The following CACNA2D3 variants were observed in gnomAD, a reference collection of about 807,000 sequenced individuals.
The protein encoded by CACNA2D3 is calcium voltage-gated channel auxiliary subunit alpha2delta 3.
A neutral mutation model predicts 160.6 loss-of-function variants in CACNA2D3; 60 were observed. That is an observed-to-expected ratio of 0.37 (90% CI 0.30 to 0.46). The LOEUF (loss-of-function observed/expected upper bound fraction) is 0.46. CACNA2D3 is among the 20% of genes least tolerant of loss of function. The pLI, the probability that CACNA2D3 is intolerant of heterozygous loss-of-function variation, is 1.00. For missense variants in CACNA2D3, 1,205 were observed against 1,365.0 expected (o/e 0.88, Z 1.85); for synonymous variants, 558 against 492.9 (o/e 1.13, Z -1.75).
At chr3:54,287,195 GA>G (rs1463047102) in intron 2 of CACNA2D3, among the ~76,000 whole-genome samples, 1 of 151,974 alleles carries the variant, frequency 6.6e-6, no homozygotes, top group Admixed American at 6.6e-5. Flanking sequence ...CTCACGTGCA[GA>G]GACACACATA....
intron 11 of CACNA2D3, among the ~76,000 whole-genome samples, chr3:54,733,952 A>T (rs1701444497): frequency 6.6e-6 from 1 of 152,086 alleles, no homozygotes; most frequent in Non-Finnish European, 1.5e-5. Context: ...TTATTGTAGC[A>T]GTGAGATTGA....
chr3:54,975,521 CAAAAAAAAAAAA>C (rs55819960), intron 29 of CACNA2D3, among the ~76,000 whole-genome samples: 2,922 of 77,772 alleles, frequency 0.038, 49 homozygotes, highest in Non-Finnish European at 0.057. Flanking sequence ...ACTTGGTCTC[CAAAAAAAAAAAA>C]AAAAAAAAAA....
At chr3:55,049,641 C>T (rs1448731783) in intron 35 of CACNA2D3, among the ~76,000 whole-genome samples, 1 of 148,030 alleles carries the variant, frequency 6.8e-6, no homozygotes, top group African/African-American at 2.6e-5. Context: ...GAGCTGAGTT[C>T]AATTCCTGGG....
In CACNA2D3 at chr3:54,918,872, T is replaced by C. The variant is rs1327858426; in HGVS notation, c.2449+19004T>C. On this transcript the variant is annotated intron_variant, in intron 27 of 37. Coordinates refer to ENST00000474759, the MANE Select transcript of CACNA2D3 (RefSeq NM_018398.3). Reference sequence around the variant, plus strand: ...TTCCAGGTGTCTGGTGATTCACAGATGATGCCGTCTGTTAGTCCCCCTTTA... The same window carrying C: ...TTCCAGGTGTCTGGTGATTCACAGACGATGCCGTCTGTTAGTCCCCCTTTA... 3.9e-6 allele frequency: 6 copies of C among 1,548,756 alleles called. No individual in the cohort carries two copies. The highest frequency in any genetic ancestry group is 1.4e-5 in the African/African-American group (1 of 72,896).
intron 11 of CACNA2D3, among the ~76,000 whole-genome samples, chr3:54,681,703 A>T (rs1177307519): frequency 6.6e-6 from 1 of 152,116 alleles, no homozygotes. Flanking sequence ...TTGCTTTCTG[A>T]AACAGAGTCT....
Position 54,399,840 on chromosome 3 carries a change from C to G in CACNA2D3, c.381+13066C>G, listed in dbSNP as rs1465907284. 1.6e-5 allele frequency among the ~76,000 whole-genome samples: 2 copies of G among 123,864 alleles called. 1 individual carries two copies. The highest frequency in any genetic ancestry group is 3.4e-5 in the Non-Finnish European group (2 of 58,544). The allele number at this position is 123,864 out of a possible 152,430, so 81.3% of individuals were successfully genotyped here. ...GCAGGCCTCCTTGAGCTGTGGTGGG[C>G]TCCACCCAGTTCGAGCTTCCCAGCA... On this transcript the variant is annotated intron_variant, in intron 4 of 37. Coordinates refer to ENST00000474759, the MANE Select transcript of CACNA2D3 (RefSeq NM_018398.3).
Position 54,879,422 on chromosome 3 carries a change from C to T in CACNA2D3, c.1844+11C>T, listed in dbSNP as rs1415586908. ...GGGTACTCCTTTCAGGTAGAGCTGA[C>T]CATAATACATGGACATTCCATCAGA... On this transcript the variant is annotated intron_variant, in intron 20 of 37. Coordinates refer to ENST00000474759, the MANE Select transcript of CACNA2D3 (RefSeq NM_018398.3). The T allele has an allele frequency of 6.3e-7, 1 of 1,581,920 alleles. No individual in the cohort carries two copies. Among genetic ancestry groups the T allele is most frequent in the Non-Finnish European group, 8.7e-7 (1 of 1,154,322 alleles).
At chr3:54,643,832 C>T (rs913807417) in intron 11 of CACNA2D3, among the ~76,000 whole-genome samples, 1 of 152,140 alleles carries the variant, frequency 6.6e-6, no homozygotes, top group African/African-American at 2.4e-5. Flanking sequence ...GAGGGAGGCT[C>T]CAGTATAAGT....
chr3:54,390,624 G>T (rs1250588728), intron 4 of CACNA2D3, among the ~76,000 whole-genome samples: 1 of 152,186 alleles, frequency 6.6e-6, no homozygotes. Flanking sequence ...ATGCACTTTG[G>T]TGGAGACCTG....
At position 54,871,214 on chromosome 3, in the gene CACNA2D3, C is replaced by CAGAG. The variant is rs1559611382; in HGVS notation, c.1627-324_1627-323insGAGA. Among the ~76,000 whole-genome samples, 658 of 111,422 alleles carry CAGAG rather than the reference C, an allele frequency of 5.9e-3. 8 individuals carry two copies. The highest frequency in any genetic ancestry group is 0.022 in the African/African-American group (640 of 29,550). 73.1% of individuals were successfully genotyped at this position (111,422 alleles called of 152,430 possible). On this transcript the variant is annotated intron_variant, in intron 17 of 37. Transcript: ENST00000474759. ...ACACACACACACACACACACACACACACACACACACCCCCCATTCAAGGAG... is the reference window on the plus strand; with the variant it reads ...ACACACACACACACACACACACACACAGAGACACACACACCCCCCATTCAAGGAG...
At chr3:54,970,639 C>A (rs563668611) in intron 29 of CACNA2D3, among the ~76,000 whole-genome samples, 92 of 88,200 alleles carry the variant, frequency 1.0e-3, no homozygotes, top group African/African-American at 3.7e-3. Context: ...TCCTCTTTTT[C>A]TCTCTCTCTG....
chr3:54,380,635 G>A (rs1457450317), intron 3 of CACNA2D3, among the ~76,000 whole-genome samples: 1 of 152,192 alleles, frequency 6.6e-6, no homozygotes, highest in African/African-American at 2.4e-5. Flanking sequence ...CCACTCGGGA[G>A]GCCGAGGCAG....
chr3:54,124,606 G>A (rs891436836), intron 2 of CACNA2D3, among the ~76,000 whole-genome samples: 1 of 152,186 alleles, frequency 6.6e-6, no homozygotes, highest in Non-Finnish European at 1.5e-5. Context: ...AACCAAGTAC[G>A]TATTTTATTT....
At chr3:54,340,657 A>G (rs1435381872) in intron 3 of CACNA2D3, among the ~76,000 whole-genome samples, 1 of 152,194 alleles carries the variant, frequency 6.6e-6, no homozygotes, top group Non-Finnish European at 1.5e-5. Context: ...ATGTAATGTG[A>G]CTGGTGAAGT....
At chr3:54,946,635 G>A (rs377353412) in intron 27 of CACNA2D3, among the ~76,000 whole-genome samples, 3 of 152,080 alleles carry the variant, frequency 2.0e-5, no homozygotes, top group Admixed American at 6.5e-5. Flanking sequence ...CAGGAGAGCC[G>A]TCCTTTCATG....
intron 2 of CACNA2D3, among the ~76,000 whole-genome samples, chr3:54,154,827 G>A (rs538522039): frequency 1.1e-3 from 169 of 152,148 alleles, no homozygotes; most frequent in African/African-American, 3.8e-3. Flanking sequence ...TGCCAGCTGC[G>A]ATTGCCTCTT....
intron 11 of CACNA2D3, among the ~76,000 whole-genome samples, chr3:54,657,067 T>G (rs1699886180): frequency 1.4e-5 from 2 of 138,868 alleles, no homozygotes; most frequent in African/African-American, 2.6e-5. Flanking sequence ...GGGGGGTTGT[T>G]CTCTGGCGGG....
chr3:54,558,188 C>G lies in CACNA2D3; in HGVS notation c.545-4612C>G, dbSNP rs79490298. ...TCTGCAACTTGACGACTGGAGTAACCTCATCCGTCCTCACCCCTCCTGTCT... is the reference window on the plus strand; with the variant it reads ...TCTGCAACTTGACGACTGGAGTAACGTCATCCGTCCTCACCCCTCCTGTCT... On this transcript the variant is annotated intron_variant, in intron 5 of 37. Transcript: ENST00000474759. Among the ~76,000 whole-genome samples the G allele has an allele frequency of 3.5e-3, 531 of 152,278 alleles. 2 individuals are homozygous for G. Among genetic ancestry groups the G allele is most frequent in the African/African-American group, 0.012 (507 of 41,572 alleles).
At chr3:54,137,524 C>T (rs537461582) in intron 2 of CACNA2D3, among the ~76,000 whole-genome samples, 1 of 152,354 alleles carries the variant, frequency 6.6e-6, no homozygotes, top group East Asian at 1.9e-4. Flanking sequence ...ATTGCTCCCT[C>T]AGGGGCCTTT....
Sources: allele counts gnomAD v4.1 joint callset (sites outside exome capture counted in the v4.1 genomes callset), GRCh38; gene constraint gnomAD v4.1.1; transcripts MANE v1.5; gene names NCBI Gene and HGNC (gene_info 2026-07-23, HGNC 2026-07-21).